LINGO2: variants seen among roughly 807,000 people sequenced by gnomAD.
The protein encoded by LINGO2 is leucine-rich repeat and immunoglobulin-like domain-containing nogo receptor-interacting protein 2.
A neutral mutation model predicts 30.6 loss-of-function variants in LINGO2; 14 were observed. The observed-to-expected ratio is 0.46, with a 90% CI of 0.30 to 0.72. The LOEUF is 0.72. LINGO2 is among the 30% of genes least tolerant of loss of function. The probability of loss-of-function intolerance (pLI) is 0.07; values close to 1 mark genes in which losing one functional copy is unlikely to be tolerated. For missense variants in LINGO2, 729 were observed against 751.7 expected, an observed-to-expected ratio of 0.97 and a Z score of 0.35; for synonymous variants, 317 against 288.5, an observed-to-expected ratio of 1.10 and a Z score of -1.00.
At chr9:28,337,927 A>T (rs922657382) in intron 3 of LINGO2, among the ~76,000 whole-genome samples, 1 of 152,046 alleles carries the variant, frequency 6.6e-6, no homozygotes, top group Non-Finnish European at 1.5e-5. Context: ...GTGGGGTAAA[A>T]CTTCCCACAC....
intron 2 of LINGO2, among the ~76,000 whole-genome samples, chr9:28,449,583 G>A (rs899692084): frequency 5.3e-5 from 8 of 151,924 alleles, no homozygotes; most frequent in African/African-American, 1.9e-4. Context: ...GTCTACTAAA[G>A]AGTAAAACAA....
chr9:28,284,524 T>C (rs542081485), intron 4 of LINGO2, among the ~76,000 whole-genome samples: 5 of 152,322 alleles, frequency 3.3e-5, no homozygotes, highest in African/African-American at 1.2e-4. Flanking sequence ...TCATGTTAAA[T>C]ACAGTTTTAA....
chr9:28,619,730 T>G (rs916719899), intron 1 of LINGO2, among the ~76,000 whole-genome samples: 7 of 152,158 alleles, frequency 4.6e-5, no homozygotes, highest in Non-Finnish European at 8.8e-5. Flanking sequence ...TCTTCTCATA[T>G]ACTCAGTTTC....
intron 4 of LINGO2, among the ~76,000 whole-genome samples, chr9:28,191,530 C>A (rs1238340330): frequency 1.3e-5 from 2 of 152,058 alleles, no homozygotes; most frequent in Non-Finnish European, 1.5e-5. Flanking sequence ...TCTTATTTTT[C>A]TCCTTCTTGA....
intron 2 of LINGO2, among the ~76,000 whole-genome samples, chr9:28,432,109 G>A (rs1347600008): frequency 2.0e-5 from 3 of 152,084 alleles, no homozygotes; most frequent in East Asian, 1.9e-4. Flanking sequence ...AGGGTCATAC[G>A]AAAAGAGTGA....
intron 2 of LINGO2, among the ~76,000 whole-genome samples, chr9:28,456,914 C>T (rs1349148665): frequency 2.0e-5 from 3 of 152,144 alleles, no homozygotes; most frequent in Non-Finnish European, 4.4e-5. Context: ...TAATATTTGG[C>T]TATTTTTACT....
At chr9:28,889,724 T>G in the LINGO2 span, among the ~76,000 whole-genome samples, 1 of 152,064 alleles carries the variant, frequency 6.6e-6, no homozygotes, top group Non-Finnish European at 1.5e-5. Context: ...GCTCCTAACA[T>G]TGAAACTTAT....
At chr9:28,044,703 C>CAG (rs1188139313) in intron 4 of LINGO2, among the ~76,000 whole-genome samples, 4 of 151,904 alleles carry the variant, frequency 2.6e-5, no homozygotes, top group African/African-American at 9.7e-5. Context: ...TCCAAACGAG[C>CAG]AGAGAGATGT....
chr9:28,017,953 C>G (rs1240079016), intron 4 of LINGO2, among the ~76,000 whole-genome samples: 1 of 152,090 alleles, frequency 6.6e-6, no homozygotes, highest in Non-Finnish European at 1.5e-5. Flanking sequence ...TGACTTCAAG[C>G]TATATTACAA....
At chr9:28,150,415 C>T (rs985214303) in intron 4 of LINGO2, among the ~76,000 whole-genome samples, 44 of 152,164 alleles carry the variant, frequency 2.9e-4, no homozygotes, top group Admixed American at 9.8e-4. Context: ...GAAACTCCGT[C>T]TCTACTGAAA....
At position 27,955,157 on chromosome 9, in the gene LINGO2, GCTCA is replaced by G. The variant is rs1819505109; in HGVS notation, c.-35-4455_-35-4452del. 2.6e-5 allele frequency among the ~76,000 whole-genome samples: 4 copies of G among 152,212 alleles called. No homozygotes were observed. In the South Asian group the frequency reaches 8.3e-4, roughly 32 times the overall value. ...AGAATTGCATGGCTTTTAAAAAAAG[GCTCA>G]ACTAAGTCATTTATTTAGATGTCTA... On this transcript the variant is annotated intron_variant, in intron 5 of 5. Transcript: ENST00000379992.
intron 4 of LINGO2, among the ~76,000 whole-genome samples, chr9:28,096,687 TGGCCAGGCACAGATGAGTATATCC>T: frequency 1.6e-5 from 1 of 63,668 alleles, no homozygotes; most frequent in East Asian, 1.6e-3. Context: ...GGCTAGGTCC[TGGCCAGGCACAGATGAGTATATCC>T]TGAAGGAGTT....
intron 3 of LINGO2, among the ~76,000 whole-genome samples, chr9:28,352,023 G>A (rs1819919772): frequency 6.6e-6 from 1 of 151,016 alleles, no homozygotes; most frequent in Non-Finnish European, 1.5e-5. Flanking sequence ...AGCTATCTAT[G>A]ACAAACCCAC....
intron 5 of LINGO2, among the ~76,000 whole-genome samples, chr9:28,003,512 A>G (rs138064057): frequency 7.4e-4 from 113 of 152,144 alleles, no homozygotes; most frequent in Admixed American, 1.4e-3. Context: ...AGGCTGGAGT[A>G]CAGTGGCACA....
At chr9:29,100,367 C>G in the LINGO2 span, among the ~76,000 whole-genome samples, 3 of 152,034 alleles carry the variant, frequency 2.0e-5, no homozygotes, top group Admixed American at 6.6e-5. Flanking sequence ...GAGGCCGAGG[C>G]AGGCAGATCA....
chr9:28,498,492 C>T lies in LINGO2; in HGVS notation c.-364-22467G>A, dbSNP rs566203665. 1.9e-3 allele frequency among the ~76,000 whole-genome samples: 288 copies of T among 152,266 alleles called. 3 individuals carry two copies. Among genetic ancestry groups the T allele is most frequent in the African/African-American group, 6.7e-3 (277 of 41,544 alleles). On this transcript the variant is annotated intron_variant, in intron 1 of 5. Transcript: ENST00000379992. ...TTATAATCTCCTGGTGTGCCGTTTGCTAAGACCATTGGAAAGGACAGTAGA... is the reference window on the plus strand; with the variant it reads ...TTATAATCTCCTGGTGTGCCGTTTGTTAAGACCATTGGAAAGGACAGTAGA...
At chr9:28,062,586 T>TATATATTTTGTATATATACAAAATCAA (rs1184425176) in intron 4 of LINGO2, among the ~76,000 whole-genome samples, 24 of 143,512 alleles carry the variant, frequency 1.7e-4, no homozygotes, top group African/African-American at 6.3e-4. Flanking sequence ...CAATCAAATA[T>TATATATTTTGTATATATACAAAATCAA]ATATATTTTG....
the LINGO2 span, among the ~76,000 whole-genome samples, chr9:28,957,896 T>C: frequency 2.6e-5 from 4 of 152,192 alleles, no homozygotes; most frequent in Admixed American, 6.5e-5. Flanking sequence ...AATGCACTAA[T>C]TTCTTTACTT....
chr9:27,957,108 G>A (rs1819608787), intron 5 of LINGO2, among the ~76,000 whole-genome samples: 1 of 151,958 alleles, frequency 6.6e-6, no homozygotes, highest in Non-Finnish European at 1.5e-5. Context: ...ATATAAATAA[G>A]TAAACAAAAA....
Sources: allele counts gnomAD v4.1 joint callset (sites outside exome capture counted in the v4.1 genomes callset), GRCh38; gene constraint gnomAD v4.1.1; transcripts MANE v1.5; gene names NCBI Gene and HGNC (gene_info 2026-07-23, HGNC 2026-07-21).